The following NKX6-1 variants were observed in gnomAD, a reference collection of about 807,000 sequenced individuals.
NKX6-1 encodes homeobox protein Nkx-6.1.
NKX6-1 carries 11 observed loss-of-function variants against 24.9 expected under a neutral mutation model. The ratio of observed to expected loss-of-function variants is 0.44; its 90% CI spans 0.28 to 0.73. NKX6-1 has a LOEUF of 0.73. Among genes scored for constraint, NKX6-1 ranks in the 30% least tolerant of loss-of-function variants. The pLI is 0.15. For missense variants in NKX6-1, 487 were observed against 502.9 expected, an observed-to-expected ratio of 0.97 and a Z score of 0.30; for synonymous variants, 277 against 242.9, an observed-to-expected ratio of 1.14 and a Z score of -1.31.
chr4:84,494,998 G>A (rs1231947814), intron 2 of NKX6-1, among the ~76,000 whole-genome samples: 1 of 152,186 alleles, frequency 6.6e-6, no homozygotes, highest in Non-Finnish European at 1.5e-5. Flanking sequence ...GGAAAGTGAT[G>A]TTTTAATTAT....
chr4:84,495,141 G>C (rs1185767427), intron 2 of NKX6-1, among the ~76,000 whole-genome samples: 4 of 152,168 alleles, frequency 2.6e-5, no homozygotes, highest in Non-Finnish European at 5.9e-5. Flanking sequence ...ATTGCCTTAA[G>C]CTAAGCTAAA....
chr4:84,496,188 C>T (rs948490179), intron 1 of NKX6-1, among the ~76,000 whole-genome samples: 1 of 152,142 alleles, frequency 6.6e-6, no homozygotes, highest in Non-Finnish European at 1.5e-5. Context: ...ACTCTCGCCT[C>T]CTAATCCAGT....
rs891679393 is a variant in NKX6-1 at position 84,493,491 on chromosome 4, G to T, written c.902C>A (p.Thr301Lys). 12 of 1,614,104 alleles carry T rather than the reference G, an allele frequency of 7.4e-6. No homozygotes were observed. In the Admixed American group the frequency reaches 1.2e-4, roughly 16 times the overall value. ...WRKKHAAEMA[T>K]AKKKQDSETE... ...CTCCGAGTCCTGCTTCTTCTTGGCC[G>T]TGGCCATCTCGGCAGCGTGCTTCTT... is the stretch of plus-strand genomic sequence containing the variant. The change falls in exon 3 of 3, where the codon ACG (threonine) becomes AAG (lysine). Residue 301 changes from threonine to lysine, a missense_variant. This residue lies in a region of NKX6-1 where 126 missense variants were observed against 105.5 expected (regional missense o/e 1.19). Transcript: ENST00000295886. The surrounding 1 kb of genome is among the most constrained non-coding windows in gnomAD (Gnocchi z 5.1).
Position 84,493,348 on chromosome 4 carries a change from T to G in NKX6-1, c.1045A>C (p.Ser349Arg). 1 of 1,613,686 alleles carries G rather than the reference T, an allele frequency of 6.2e-7. No homozygotes were observed. Among genetic ancestry groups the G allele is most frequent in the Non-Finnish European group, 8.5e-7 (1 of 1,179,962 alleles). Residue 349 changes from serine (S) to arginine (R), a missense_variant, in exon 3 of 3, where the codon AGC (serine) becomes CGC (arginine). By Grantham distance (110) the Ser-to-Arg change is moderately radical. Around this residue, in one of 3 missense-constraint regions of NKX6-1, gnomAD observed 126 missense variants for 105.5 expected, o/e 1.19. Transcript: ENST00000295886. This position sits in a 1 kb window ranked among gnomAD's most constrained non-coding sequence, Gnocchi z 5.1. ...ITQLLKKHKS[S>R]SGGGGGLLLH... ...AGGAGGCCGCCGCCGCCGCCGCTGC[T>G]GGACTTGTGCTTCTTCAACAGCTGC...
In NKX6-1 at chr4:84,493,436, G is replaced by A. The variant is rs201751400; in HGVS notation, c.957C>T (p.Asn319=). Residue 319 remains asparagine (N), a synonymous_variant, in exon 3 of 3, where the codon AAC becomes AAT. Transcript: ENST00000295886. This position sits in a 1 kb window ranked among gnomAD's most constrained non-coding sequence, Gnocchi z 5.1. ...TATTGTAGTCGTCGTCCTCTTCCTCGTTCTCCGAGGCCCCCTTGAGGCGCT... is the reference window on the plus strand; with the variant it reads ...TATTGTAGTCGTCGTCCTCTTCCTCATTCTCCGAGGCCCCCTTGAGGCGCT... ...ETERLKGASE[N]EEEDDDYNKP... is the part of the protein sequence containing the mutation. 34 of 1,614,192 alleles carry A rather than the reference G, an allele frequency of 2.1e-5. No individual in the cohort carries two copies. The African/African-American group carries it at 3.2e-4, about 15-fold the overall frequency.
At chr4:84,494,037 C>T (rs539967191) in intron 2 of NKX6-1, among the ~76,000 whole-genome samples, 1 of 152,120 alleles carries the variant, frequency 6.6e-6, no homozygotes, top group African/African-American at 2.4e-5. Context: ...GAAAGCACAG[C>T]ATTTGCCCCA....
chr4:84,496,961 G>A (rs1720832267), intron 1 of NKX6-1: 1 of 152,420 alleles, frequency 6.6e-6, no homozygotes, highest in South Asian at 2.1e-4. Context: ...GGCTCACCCA[G>A]GCCGAGTGTA....
chr4:84,494,445 A>T (rs1379410278), intron 2 of NKX6-1, among the ~76,000 whole-genome samples: 1 of 152,226 alleles, frequency 6.6e-6, no homozygotes, highest in Admixed American at 6.5e-5. Flanking sequence ...GCAAGAAGCA[A>T]CATATTTCCC....
Position 84,495,855 on chromosome 4 carries a change from C to T in NKX6-1, c.671-11G>A, listed in dbSNP as rs773979656. ...AAATGGATCCTTGATCTGTGAGAACCAATAAACAACGAGAGAGGGGGAAAA... is the reference window on the plus strand; with the variant it reads ...AAATGGATCCTTGATCTGTGAGAACTAATAAACAACGAGAGAGGGGGAAAA... On this transcript the variant is annotated splice_polypyrimidine_tract_variant and intron_variant, in intron 1 of 2. Transcript: ENST00000295886. 6.2e-7 allele frequency: 1 copy of T among 1,613,252 alleles called. No individual in the cohort carries two copies. Among genetic ancestry groups the T allele is most frequent in the Admixed American group, 1.7e-5 (1 of 59,982 alleles).
chr4:84,497,794 C>CGCGGCAGCAGCCGCG lies in NKX6-1; in HGVS notation c.420_434dup (p.Ala146_Ala150dup), dbSNP rs1720851032. On this transcript the variant is annotated inframe_insertion, in exon 1 of 3. Transcript: ENST00000295886. This position sits in a 1 kb window ranked among gnomAD's most constrained non-coding sequence, Gnocchi z 4.8. ...CCGGGGATGAGGCGGCGGCTGCGGCCGCGGCAGCAGCCGCGGCGGCGGCAG... is the reference window on the plus strand; with the variant it reads ...CCGGGGATGAGGCGGCGGCTGCGGCCGCGGCAGCAGCCGCGGCGGCAGCAGCCGCGGCGGCGGCAG... 1 of 1,268,750 alleles carries CGCGGCAGCAGCCGCG rather than the reference C, an allele frequency of 7.9e-7. No homozygotes were observed. Among genetic ancestry groups the CGCGGCAGCAGCCGCG allele is most frequent in the Non-Finnish European group, 9.9e-7 (1 of 1,010,942 alleles). The allele number at this position is 1,268,750 out of a possible 1,614,324, so 78.6% of individuals were successfully genotyped here. A position where few individuals can be genotyped will look rare whatever the true frequency, so the allele number is the denominator to read the frequency against.
At chr4:84,495,584 GGTGTGTGT>G (rs10549802) in intron 2 of NKX6-1, 80 bp downstream of exon 2, 7 of 960,342 alleles carry the variant, frequency 7.3e-6, no homozygotes, top group South Asian at 3.4e-5. Flanking sequence ...GTTAGTTTGG[GGTGTGTGT>G]GTGTGTGTGT....
In NKX6-1 at chr4:84,498,077, G is replaced by C; in HGVS notation, c.152C>G (p.Ser51Trp). ...CGACGAGGAGGACGACGACGAGGAC[G>C]AGGAGGAGGGGGGGCCGGCAGGCAG... ...PPLPAGPPSS[S>W]SSSSSSSSPS... The change falls in exon 1 of 3, where the codon TCG (serine) becomes TGG (tryptophan). Residue 51 changes from serine (S) to tryptophan (W), a missense_variant. Ser to Trp is a radical substitution (Grantham distance 177, BLOSUM62 -3). Coordinates refer to ENST00000295886, the MANE Select transcript of NKX6-1 (RefSeq NM_006168.3). 8.0e-7 allele frequency: 1 copy of C among 1,253,476 alleles called. No homozygotes were observed. The highest frequency in any genetic ancestry group is 1.0e-6 in the Non-Finnish European group (1 of 997,928). The allele number at this position is 1,253,476 out of a possible 1,614,324, so 77.6% of individuals were successfully genotyped here. A position where few individuals can be genotyped will look rare whatever the true frequency, so the allele number is the denominator to read the frequency against.
At position 84,498,673 on chromosome 4, in the gene NKX6-1, G is replaced by A. The variant is rs1431523482; in HGVS notation, c.-445C>T. ...TCCACTTTGAAGTTGGAGGGTGGGG[G>A]TGGCTTGCTTTCTTTGGGGAGGTTC... On this transcript the variant is annotated 5_prime_UTR_variant, in exon 1 of 3. Coordinates refer to ENST00000295886, the MANE Select transcript of NKX6-1 (RefSeq NM_006168.3). 6.6e-6 allele frequency among the ~76,000 whole-genome samples: 1 copy of A among 152,204 alleles called. No individual in the cohort carries two copies.
chr4:84,495,609 A>T, intron 2 of NKX6-1, 63 bp downstream of exon 2: 4 of 1,369,308 alleles, frequency 2.9e-6, no homozygotes, highest in Non-Finnish European at 4.1e-6. Flanking sequence ...GTGTGTGCCC[A>T]TGTGTGCACG....
chr4:84,493,507 C>G lies in NKX6-1; in HGVS notation c.886G>C (p.Ala296Pro). 6.2e-7 allele frequency: 1 copy of G among 1,614,224 alleles called. No individual in the cohort carries two copies. Residue 296 changes from alanine to proline, a missense_variant, in exon 3 of 3, where the codon GCT becomes CCT. Transcript: ENST00000295886. The surrounding 1 kb of genome is among the most constrained non-coding windows in gnomAD (Gnocchi z 5.1). Reference protein sequence around the residue: ...NRRTKWRKKHAAEMATAKKKQ... With the variant: ...NRRTKWRKKHPAEMATAKKKQ... ...TTCTTGGCCGTGGCCATCTCGGCAG[C>G]GTGCTTCTTCCTCCACTTGGTCCGG...
chr4:84,497,827 GGAGGCAGAGGCGGAC>G lies in NKX6-1; in HGVS notation c.387_401del (p.Ser134_Ala138del). 1 of 1,271,172 alleles carries G rather than the reference GGAGGCAGAGGCGGAC, an allele frequency of 7.9e-7. No homozygotes were observed. Among genetic ancestry groups the G allele is most frequent in the East Asian group, 3.1e-5 (1 of 32,098 alleles). 78.7% of individuals were successfully genotyped at this position (1,271,172 alleles called of 1,614,324 possible). On this transcript the variant is annotated inframe_deletion, in exon 1 of 3. Transcript: ENST00000295886. The surrounding 1 kb of genome is among the most constrained non-coding windows in gnomAD (Gnocchi z 4.8). ...CAGCCGCGGCGGCGGCAGAGGCGGA[GGAGGCAGAGGCGGAC>G]GAGGAAGAGGAGGAGGAGGAACCGG...
At chr4:84,496,471 TC>T in intron 1 of NKX6-1, 1 of 152,342 alleles carries the variant, frequency 6.6e-6, no homozygotes, top group Non-Finnish European at 1.5e-5. Flanking sequence ...GCTGCCACAG[TC>T]CCCGGGCTTC....
rs1037951085 is a variant in NKX6-1 at position 84,497,714 on chromosome 4, G to T, written c.515C>A (p.Pro172Gln). 3 of 1,259,262 alleles carry T rather than the reference G, an allele frequency of 2.4e-6. No individual in the cohort carries two copies. Among genetic ancestry groups the T allele is most frequent in the Non-Finnish European group, 3.0e-6 (3 of 1,000,176 alleles). The allele number at this position is 1,259,262 out of a possible 1,614,324, so 78.0% of individuals were successfully genotyped here. ...RFSSLSPPPPPPGLYFSPSAA... is the reference protein window; with the variant it reads ...RFSSLSPPPPQPGLYFSPSAA... Reference sequence around the variant, plus strand: ...GCTGGGGCTGAAGTAGAGCCCGGGCGGCGGCGGCGGCGGGCTCAGGCTGCT... The same window carrying T: ...GCTGGGGCTGAAGTAGAGCCCGGGCTGCGGCGGCGGCGGGCTCAGGCTGCT... Residue 172 changes from proline (P) to glutamine (Q), a missense_variant, in exon 1 of 3, where the codon CCG becomes CAG. Transcript: ENST00000295886. The surrounding 1 kb of genome is among the most constrained non-coding windows in gnomAD (Gnocchi z 4.8).
In NKX6-1 at chr4:84,493,316, G is replaced by C; in HGVS notation, c.1077C>G (p.His359Gln). Residue 359 changes from histidine to glutamine, a missense_variant, in exon 3 of 3, where the codon CAC becomes CAG. His to Gln is a conservative substitution (Grantham distance 24). This residue lies in a region of NKX6-1 where 126 missense variants were observed against 105.5 expected (regional missense o/e 1.19). Transcript: ENST00000295886. This position sits in a 1 kb window ranked among gnomAD's most constrained non-coding sequence, Gnocchi z 5.1. ...SSGGGGGLLLHASEPESSS is the reference protein window; with the variant it reads ...SSGGGGGLLLQASEPESSS ...AGGATGAGCTCTCCGGCTCGGACGC[G>C]TGCAGTAGGAGGCCGCCGCCGCCGC... The C allele has an allele frequency of 6.2e-7, 1 of 1,609,338 alleles. No homozygotes were observed. The highest frequency in any genetic ancestry group is 2.2e-5 in the East Asian group (1 of 44,658).
Sources: gnomAD v4.1 joint callset for allele counts (sites outside exome capture counted in the v4.1 genomes callset) on GRCh38, gnomAD v4.1.1 for gene constraint, gnomAD v4.1.1 regional missense constraint, Gnocchi (gnomAD v3.1) non-coding constraint, MANE v1.5 for transcripts, NCBI Gene and HGNC (gene_info 2026-07-23, HGNC 2026-07-21) for gene names.